The following EEA1 variants were observed in gnomAD, a reference collection of about 807,000 sequenced individuals.
EEA1 encodes early endosome antigen 1, 162kD.
Under a neutral mutation model 209.2 loss-of-function variants are expected in EEA1, and 111 were observed. The ratio of observed to expected loss-of-function variants is 0.53; its 90% CI spans 0.45 to 0.62. The LOEUF is 0.62. Among genes scored for constraint, EEA1 ranks in the 20% least tolerant of loss-of-function variants. The pLI is 0.00. For synonymous variants in EEA1, 536 were observed against 540.6 expected, an observed-to-expected ratio of 0.99 and a Z score of 0.12; for missense variants, 1,343 against 1,530.8, an observed-to-expected ratio of 0.88 and a Z score of 2.05.
chr12:92,897,037 C>T (rs527347562), intron 1 of EEA1, among the ~76,000 whole-genome samples: 20 of 152,030 alleles, frequency 1.3e-4, no homozygotes, highest in African/African-American at 3.9e-4. Flanking sequence ...ATCAGCAAGG[C>T]GTGGTGGCGT....
chr12:92,845,899 A>C (rs1313213914), intron 9 of EEA1, among the ~76,000 whole-genome samples: 1 of 152,216 alleles, frequency 6.6e-6, no homozygotes, highest in Non-Finnish European at 1.5e-5. Flanking sequence ...AAGAGATAAT[A>C]GATATTTATT....
chr12:92,851,136 A>G lies in EEA1; in HGVS notation c.773T>C (p.Leu258Ser), dbSNP rs1184034623. ...SEKLKDECKK[L>S]QSQYASSEAT... ...CTCTGAGCTAGCATATTGTGACTGCAATTTTTTGCATTCATCTTTGAGTTT... is the reference window on the plus strand; with the variant it reads ...CTCTGAGCTAGCATATTGTGACTGCGATTTTTTGCATTCATCTTTGAGTTT... The change falls in exon 9 of 29, where the codon TTG becomes TCG. Residue 258 changes from leucine to serine, a missense_variant. Around this residue, in one of 3 missense-constraint regions of EEA1, gnomAD observed 1,307 missense variants for 1,465.5 expected, o/e 0.89. Coordinates refer to ENST00000322349, the MANE Select transcript of EEA1 (RefSeq NM_003566.4). 5.0e-6 allele frequency: 8 copies of G among 1,613,604 alleles called. No homozygotes were observed. The highest frequency in any genetic ancestry group is 5.9e-6 in the Non-Finnish European group (7 of 1,179,884).
chr12:92,871,659 A>G (rs1253518430), intron 2 of EEA1, among the ~76,000 whole-genome samples: 1 of 152,238 alleles, frequency 6.6e-6, no homozygotes, highest in East Asian at 1.9e-4. Flanking sequence ...AAAATTTTCA[A>G]GTGGTAACTG....
rs1428191415 is a variant in EEA1, at chr12:92,787,854, T to G, written c.3150+13A>C. 6 of 1,580,062 alleles carry G rather than the reference T, an allele frequency of 3.8e-6. No homozygotes were observed. The African/African-American group carries it at 8.2e-5, about 22-fold the overall frequency. Reference sequence around the variant, plus strand: ...CTTACTGAGACTTTATGGTACAGTATAGTTTACTATACCTTAAGATCTTGC... The same window carrying G: ...CTTACTGAGACTTTATGGTACAGTAGAGTTTACTATACCTTAAGATCTTGC... On this transcript the variant is annotated intron_variant, in intron 22 of 28. Coordinates refer to ENST00000322349, the MANE Select transcript of EEA1 (RefSeq NM_003566.4).
Position 92,832,846 on chromosome 12 carries a change from A to T in EEA1, c.920T>A (p.Leu307Ter). 6.3e-7 allele frequency: 1 copy of T among 1,593,118 alleles called. No homozygotes were observed. Among genetic ancestry groups the T allele is most frequent in the Non-Finnish European group, 8.5e-7 (1 of 1,172,624 alleles). The change falls in exon 11 of 29, where the codon TTG (leucine) becomes TAG (stop). Residue 307 changes from leucine (L) to a stop codon, truncating the protein, a stop_gained. Transcript: ENST00000322349. LOFTEE classifies it high-confidence loss of function. ...TTCTTTTTTCAGCAAGTTTTCTGTC[A>T]AGGTCTAAAATATCAATTTAACAAT... The part of the protein sequence containing the change: ...VNELTQKNQT[L>*]TENLLKKEQD...
chr12:92,907,125 T>C (rs772429478), intron 1 of EEA1, among the ~76,000 whole-genome samples: 1 of 152,206 alleles, frequency 6.6e-6, no homozygotes, highest in African/African-American at 2.4e-5. Context: ...TGTAAAGTAA[T>C]TGAGGGGTTC....
intron 2 of EEA1, among the ~76,000 whole-genome samples, chr12:92,877,134 C>CTTTTTTTTTTTTTTTT (rs111935498): frequency 3.1e-5 from 4 of 129,740 alleles, no homozygotes; most frequent in East Asian, 2.2e-4. Flanking sequence ...TTTCTTTTTT[C>CTTTTTTTTTTTTTTTT]TTTTTTTTTT....
chr12:92,905,275 T>A (rs1311571005), intron 1 of EEA1, among the ~76,000 whole-genome samples: 2 of 152,042 alleles, frequency 1.3e-5, no homozygotes, highest in Non-Finnish European at 2.9e-5. Flanking sequence ...ATGAAAAAAA[T>A]ACATAGTATT....
At chr12:92,884,464 G>C in intron 2 of EEA1, 2 of 1,475,372 alleles carry the variant, frequency 1.4e-6, no homozygotes, top group South Asian at 2.3e-5. Context: ...GTGGCAGTGG[G>C]GATGGCTATA....
At position 92,773,600 on chromosome 12, in the gene EEA1, TA is replaced by T. The variant is rs1232171163; in HGVS notation, c.*2410del. 6.6e-6 allele frequency: 1 copy of T among 151,824 alleles called. No individual in the cohort carries two copies. Among genetic ancestry groups the T allele is most frequent in the Non-Finnish European group, 1.5e-5 (1 of 67,668 alleles). The allele number at this position is 151,824 out of a possible 1,614,324, so 9.4% of individuals were successfully genotyped here. On this transcript the variant is annotated 3_prime_UTR_variant, in exon 29 of 29. Coordinates refer to ENST00000322349, the MANE Select transcript of EEA1 (RefSeq NM_003566.4). ...TTCTGTGCCGGGGTTTGGAATTTACTAACATTATGTCAATGTGCTTTTCATT... is the reference window on the plus strand; with the variant it reads ...TTCTGTGCCGGGGTTTGGAATTTACTACATTATGTCAATGTGCTTTTCATT...
chr12:92,823,634 A>G (rs1876163633), intron 13 of EEA1, among the ~76,000 whole-genome samples: 1 of 152,208 alleles, frequency 6.6e-6, no homozygotes, highest in Admixed American at 6.5e-5. Flanking sequence ...AGTTGTGAGG[A>G]CTTTTCATGT....
At chr12:92,927,931 T>A (rs1440654385) in intron 1 of EEA1, among the ~76,000 whole-genome samples, 2 of 152,206 alleles carry the variant, frequency 1.3e-5, no homozygotes, top group Non-Finnish European at 2.9e-5. Context: ...CTTCATTCTT[T>A]CAGGAGAAAG....
intron 2 of EEA1, among the ~76,000 whole-genome samples, chr12:92,887,809 A>AT: frequency 6.6e-6 from 1 of 152,284 alleles, no homozygotes; most frequent in South Asian, 2.1e-4. Context: ...GAGCATCTGT[A>AT]TATCTAATCT....
intron 2 of EEA1, among the ~76,000 whole-genome samples, chr12:92,876,317 C>A (rs766162808): frequency 8.5e-5 from 13 of 152,104 alleles, no homozygotes; most frequent in Admixed American, 2.0e-4. Flanking sequence ...CCCACCACAG[C>A]CTCCCAAAGT....
At chr12:92,834,906 G>A (rs1053755402) in intron 10 of EEA1, among the ~76,000 whole-genome samples, 1 of 149,990 alleles carries the variant, frequency 6.7e-6, no homozygotes, top group African/African-American at 2.5e-5. Context: ...TTTTGAGACA[G>A]TCTCACTCTG....
At chr12:92,914,068 T>C (rs926046931) in intron 1 of EEA1, among the ~76,000 whole-genome samples, 2 of 152,220 alleles carry the variant, frequency 1.3e-5, no homozygotes, top group Admixed American at 1.3e-4. Context: ...TTCTATTTAT[T>C]GAATAAAGTA....
intron 2 of EEA1, among the ~76,000 whole-genome samples, chr12:92,870,517 G>C (rs1425103004): frequency 6.6e-6 from 1 of 152,144 alleles, no homozygotes; most frequent in Non-Finnish European, 1.5e-5. Context: ...CTGATCCACT[G>C]TTACTTATGA....
chr12:92,868,471 A>G (rs897885936), intron 2 of EEA1, among the ~76,000 whole-genome samples: 1 of 152,208 alleles, frequency 6.6e-6, no homozygotes, highest in Admixed American at 6.5e-5. Flanking sequence ...AATCTTCACA[A>G]CTGTGGCTTT....
chr12:92,786,082 A>C (rs1017795720), intron 22 of EEA1, among the ~76,000 whole-genome samples: 5 of 151,392 alleles, frequency 3.3e-5, no homozygotes, highest in African/African-American at 1.2e-4. Flanking sequence ...TCAAACATTA[A>C]GTTTCATCTC....
Sources: allele counts gnomAD v4.1 joint callset (sites outside exome capture counted in the v4.1 genomes callset), GRCh38; gene constraint gnomAD v4.1.1; regional missense constraint gnomAD v4.1.1; transcripts MANE v1.5; gene names NCBI Gene and HGNC (gene_info 2026-07-23, HGNC 2026-07-21).